The following SHPK variants were observed in gnomAD, a reference collection of about 807,000 sequenced individuals.
The protein encoded by SHPK is carbohydrate kinase-like protein.
Under a neutral mutation model 46.3 loss-of-function variants are expected in SHPK, and 51 were observed. That is an observed-to-expected ratio of 1.10 (90% CI 0.88 to 1.39). The LOEUF is 1.39. Ranked by LOEUF, SHPK falls within the 40% of genes most tolerant of loss-of-function variation. SHPK has a pLI of 0.00. For synonymous variants in SHPK, 290 were observed against 273.9 expected (o/e 1.06, Z -0.58); for missense variants, 668 against 641.3 (o/e 1.04, Z -0.45).
rs138837306 is a variant in SHPK, at chr17:3,617,460, A to G, written c.824-1923T>C. Among the ~76,000 whole-genome samples, 907 of 152,318 alleles carry G rather than the reference A, an allele frequency of 6.0e-3. 7 individuals are homozygous for G. The highest frequency in any genetic ancestry group is 0.021 in the South Asian group (101 of 4,826). Reference sequence around the variant, plus strand: ...GCTGAAGGGAAGCTTCAGGTGTCCAACTGGGTCAGACAGAAACTAAATTGG... The same window carrying G: ...GCTGAAGGGAAGCTTCAGGTGTCCAGCTGGGTCAGACAGAAACTAAATTGG... On this transcript the variant is annotated intron_variant, in intron 5 of 6. Transcript: ENST00000225519.
chr17:3,634,263 A>AT (rs908014516), intron 1 of SHPK, among the ~76,000 whole-genome samples: 2 of 149,384 alleles, frequency 1.3e-5, no homozygotes, highest in South Asian at 2.2e-4. Context: ...AGAGTGATCA[A>AT]TTAAAAAAAA....
At position 3,610,098 on chromosome 17, in the gene SHPK, C is replaced by T. The variant is rs1017692796; in HGVS notation, c.*462G>A. On this transcript the variant is annotated 3_prime_UTR_variant, in exon 7 of 7. Transcript: ENST00000225519. ...GGAGACAAGAACTTTTCCAGAAGTC[C>T]ATACGACCCGAGTGTGGGCTTCAGG... 1.3e-5 allele frequency: 2 copies of T among 159,556 alleles called. No individual in the cohort carries two copies. Among genetic ancestry groups the T allele is most frequent in the Non-Finnish European group, 2.8e-5 (2 of 71,780 alleles). 9.9% of individuals were successfully genotyped at this position (159,556 alleles called of 1,614,324 possible).
At position 3,621,314 on chromosome 17, in the gene SHPK, T is replaced by C; in HGVS notation, c.746A>G (p.Lys249Arg). 1 of 1,614,116 alleles carries C rather than the reference T, an allele frequency of 6.2e-7. No homozygotes were observed. The highest frequency in any genetic ancestry group is 8.5e-7 in the Non-Finnish European group (1 of 1,179,994). ...CAAGGCCACTCCCACCTGCGTCCCC[T>C]TTGGGATTTCAAACCACATGTGGGA... ...RTSHMWFEIP[K>R]GTQVGVALGD... Residue 249 changes from lysine to arginine, a missense_variant, in exon 5 of 7, where the codon AAG (lysine) becomes AGG (arginine). Transcript: ENST00000225519.
chr17:3,629,732 A>G (rs2075459269), intron 2 of SHPK, among the ~76,000 whole-genome samples: 2 of 151,510 alleles, frequency 1.3e-5, no homozygotes, highest in Middle Eastern at 3.4e-3. Context: ...CCACCTTAAA[A>G]AAAAAAAAAA....
intron 1 of SHPK, among the ~76,000 whole-genome samples, chr17:3,635,193 T>TGAAGGAAGGAAGGAAGGAAGGAAG (rs1555555958): frequency 3.3e-5 from 2 of 60,532 alleles, no homozygotes; most frequent in Non-Finnish European, 5.8e-5. Context: ...AAGGAAAGAA[T>TGAAGGAAGGAAGGAAGGAAGGAAG]GAAGGAAGGA....
chr17:3,624,961 G>A (rs1469678503), intron 2 of SHPK, among the ~76,000 whole-genome samples: 3 of 151,968 alleles, frequency 2.0e-5, no homozygotes, highest in South Asian at 4.2e-4. Flanking sequence ...GGCCCTGATT[G>A]ATTTTTAGAC....
intron 6 of SHPK, among the ~76,000 whole-genome samples, chr17:3,614,660 C>T (rs1289172703): frequency 1.3e-5 from 2 of 151,774 alleles, no homozygotes; most frequent in Non-Finnish European, 2.9e-5. Context: ...CCAGCCTGGC[C>T]AACATGGCAA....
chr17:3,622,879 ATTTTTAG>A (rs1424265378), intron 4 of SHPK, among the ~76,000 whole-genome samples: 1 of 151,614 alleles, frequency 6.6e-6, no homozygotes, highest in African/African-American at 2.4e-5. Context: ...TAATTTTTGT[ATTTTTAG>A]TAGAGATGGG....
In SHPK at chr17:3,610,219, T is replaced by C. The variant is rs1193619172; in HGVS notation, c.*341A>G. ...GACTTTCTGGTGTCTGAAGTACACA[T>C]TGATCTGCTCTCTGTCTACAGGTGA... On this transcript the variant is annotated 3_prime_UTR_variant, in exon 7 of 7. Coordinates refer to ENST00000225519, the MANE Select transcript of SHPK (RefSeq NM_013276.4). The C allele has an allele frequency of 3.2e-5, 7 of 219,418 alleles. No individual in the cohort carries two copies. Among genetic ancestry groups the C allele is most frequent in the Admixed American group, 1.0e-4 (2 of 19,796 alleles). The allele number at this position is 219,418 out of a possible 1,614,324, so 13.6% of individuals were successfully genotyped here.
In SHPK at chr17:3,621,383, A is replaced by G; in HGVS notation, c.677T>C (p.Leu226Pro). The G allele has an allele frequency of 6.2e-7, 1 of 1,614,076 alleles. No individual in the cohort carries two copies. The highest frequency in any genetic ancestry group is 8.5e-7 in the Non-Finnish European group (1 of 1,179,966). ...GCCAGGCTCGGCGATGTCTGGGAGC[A>G]GGTGGACAGGAAAACCCGAGCTCCT... ...TLRSSGFPVHLLPDIAEPGSV... is the reference protein window; with the variant it reads ...TLRSSGFPVHPLPDIAEPGSV... The change falls in exon 5 of 7, where the codon CTG becomes CCG. Residue 226 changes from leucine (L) to proline (P), a missense_variant. Physicochemically the swap from Leu to Pro is moderately conservative, Grantham distance 98. Transcript: ENST00000225519.
At chr17:3,619,217 G>C (rs1236058638) in intron 5 of SHPK, 1 of 550,374 alleles carries the variant, frequency 1.8e-6, no homozygotes, top group Non-Finnish European at 3.3e-6. Flanking sequence ...TTGCAGCTAA[G>C]ATGTGTGTAA....
chr17:3,625,395 G>A (rs542745648), intron 2 of SHPK, among the ~76,000 whole-genome samples: 1 of 152,250 alleles, frequency 6.6e-6, no homozygotes, highest in African/African-American at 2.4e-5. Context: ...TGCAGCTCCC[G>A]CCCAAGCCTC....
At chr17:3,625,113 A>C (rs2075425662) in intron 2 of SHPK, among the ~76,000 whole-genome samples, 1 of 152,172 alleles carries the variant, frequency 6.6e-6, no homozygotes, top group Non-Finnish European at 1.5e-5. Flanking sequence ...GCAGTGTCTG[A>C]AGGCCCAGAT....
At chr17:3,635,404 T>C (rs1233952217) in intron 1 of SHPK, among the ~76,000 whole-genome samples, 1 of 151,344 alleles carries the variant, frequency 6.6e-6, no homozygotes, top group East Asian at 2.0e-4. Flanking sequence ...CCCCGCTAAT[T>C]TTTTGTATTT....
chr17:3,623,702 G>A (rs1335131667), intron 3 of SHPK, among the ~76,000 whole-genome samples: 1 of 152,164 alleles, frequency 6.6e-6, no homozygotes, highest in Non-Finnish European at 1.5e-5. Flanking sequence ...CAGGGGAAGG[G>A]CCTGAGAGGA....
chr17:3,610,840 G>C lies in SHPK; in HGVS notation c.1157C>G (p.Thr386Ser). 1 of 1,614,126 alleles carries C rather than the reference G, an allele frequency of 6.2e-7. No homozygotes were observed. The highest frequency in any genetic ancestry group is 1.7e-5 in the Admixed American group (1 of 60,024). Residue 386 changes from threonine to serine, a missense_variant, in exon 7 of 7, where the codon ACC becomes AGC. Thr to Ser is a moderately conservative substitution (Grantham distance 58). Coordinates refer to ENST00000225519, the MANE Select transcript of SHPK (RefSeq NM_013276.4). Reference sequence around the variant, plus strand: ...GGAGAGGTCGGAGGAGGAGATTCTGGTCACTGAGGCCAGCTGGTCCGGCAG... The same window carrying C: ...GGAGAGGTCGGAGGAGGAGATTCTGCTCACTGAGGCCAGCTGGTCCGGCAG... ...RHLPDQLASV[T>S]RISSSDLSLG...
intron 5 of SHPK, chr17:3,619,454 G>A: frequency 2.3e-6 from 3 of 1,309,508 alleles, no homozygotes; most frequent in Non-Finnish European, 2.2e-6. Context: ...GGACGGAGAG[G>A]CCGGGCACGA....
intron 2 of SHPK, among the ~76,000 whole-genome samples, chr17:3,625,017 T>C (rs1312362584): frequency 6.6e-6 from 1 of 152,120 alleles, no homozygotes; most frequent in Non-Finnish European, 1.5e-5. Flanking sequence ...TTTTTTTTCA[T>C]TTGTGCCTTG....
chr17:3,635,198 G>GAAGGAAGA (rs879889476), intron 1 of SHPK, among the ~76,000 whole-genome samples: 21,392 of 105,868 alleles, frequency 0.2, 3,984 homozygotes, highest in African/African-American at 0.42. Flanking sequence ...AAGAATGAAG[G>GAAGGAAGA]AAGGAAGGAA....
Sources: gnomAD v4.1 joint callset for allele counts (sites outside exome capture counted in the v4.1 genomes callset) on GRCh38, gnomAD v4.1.1 for gene constraint, MANE v1.5 for transcripts, NCBI Gene and HGNC (gene_info 2026-07-23, HGNC 2026-07-21) for gene names.